EYS: variants seen among roughly 807,000 people sequenced by gnomAD.
EYS encodes EGF-like photoreceptor maintenance factor.
EYS carries 250 observed loss-of-function variants against 282.1 expected under a neutral mutation model. The observed-to-expected ratio is 0.89, with a 90% CI of 0.80 to 0.98. The LOEUF is 0.98. Ranked by LOEUF, EYS falls within the 50% of genes least tolerant of loss-of-function variation. EYS has a pLI of 0.00. For missense variants in EYS, 4,016 were observed against 3,709.0 expected (o/e 1.08, Z -2.15); for synonymous variants, 1,355 against 1,282.9 (o/e 1.06, Z -1.20).
chr6:65,457,055 C>A (rs567904888), intron 5 of EYS, among the ~76,000 whole-genome samples: 2 of 152,280 alleles, frequency 1.3e-5, no homozygotes, highest in South Asian at 2.1e-4. Context: ...TAAATCTATG[C>A]AGATGGAACA....
At chr6:65,015,889 A>AG (rs1435026592) in intron 13 of EYS, among the ~76,000 whole-genome samples, 46 of 148,428 alleles carry the variant, frequency 3.1e-4, no homozygotes, top group African/African-American at 1.1e-3. Context: ...AAAAAAAAAA[A>AG]AAAAAATTAG....
intron 26 of EYS, among the ~76,000 whole-genome samples, chr6:64,453,955 T>C (rs146733476): frequency 0.019 from 2,852 of 152,074 alleles, 42 homozygotes; most frequent in African/African-American, 0.044. Context: ...CATATATACA[T>C]ATGTAACAAA....
intron 2 of EYS, among the ~76,000 whole-genome samples, chr6:65,567,252 A>AATAT (rs59139403): frequency 8.8e-4 from 130 of 148,306 alleles, no homozygotes; most frequent in South Asian, 4.2e-3. Context: ...GTGTATGAAT[A>AATAT]ATATATATAT....
At chr6:64,228,772 A>G (rs189861251) in intron 31 of EYS, among the ~76,000 whole-genome samples, 1 of 152,160 alleles carries the variant, frequency 6.6e-6, no homozygotes, top group African/African-American at 2.4e-5. Context: ...ATACAATTAA[A>G]CCTCCGTGAA....
intron 41 of EYS, among the ~76,000 whole-genome samples, chr6:63,747,622 G>A (rs1374152228): frequency 6.6e-6 from 1 of 152,170 alleles, no homozygotes; most frequent in Non-Finnish European, 1.5e-5. Context: ...ATATGAATCT[G>A]AGTGGTCCTG....
intron 1 of EYS, among the ~76,000 whole-genome samples, chr6:65,702,031 G>A (rs1256802903): frequency 6.6e-6 from 1 of 152,098 alleles, no homozygotes; most frequent in African/African-American, 2.4e-5. Context: ...GCCCTATGGG[G>A]TAATGACTGA....
chr6:65,006,602 A>T (rs908121221), intron 13 of EYS, among the ~76,000 whole-genome samples: 7 of 151,964 alleles, frequency 4.6e-5, no homozygotes, highest in African/African-American at 1.4e-4. Flanking sequence ...AACTCCAACC[A>T]CTGATAATTC....
At chr6:64,297,334 C>T (rs1326520841) in intron 30 of EYS, among the ~76,000 whole-genome samples, 1 of 152,072 alleles carries the variant, frequency 6.6e-6, no homozygotes, top group African/African-American at 2.4e-5. Context: ...AAGATTGGAA[C>T]ATTCAAAAAT....
intron 12 of EYS, among the ~76,000 whole-genome samples, chr6:65,158,551 C>T (rs1764780390): frequency 6.6e-6 from 1 of 150,778 alleles, no homozygotes; most frequent in Non-Finnish European, 1.5e-5. Flanking sequence ...GTGTTGATAA[C>T]AGAAAGTCAA....
intron 22 of EYS, among the ~76,000 whole-genome samples, chr6:64,644,994 A>G (rs908333633): frequency 3.2e-4 from 48 of 152,212 alleles, no homozygotes; most frequent in African/African-American, 8.7e-4. Flanking sequence ...TTAAATCTCT[A>G]ATCACATTTA....
chr6:64,020,355 A>C (rs1374459990), intron 33 of EYS, among the ~76,000 whole-genome samples: 1 of 152,200 alleles, frequency 6.6e-6, no homozygotes, highest in Non-Finnish European at 1.5e-5. Context: ...AATATATCAT[A>C]AAACCTTTTC....
At chr6:64,746,474 G>A (rs146048944) in intron 22 of EYS, among the ~76,000 whole-genome samples, 4 of 151,918 alleles carry the variant, frequency 2.6e-5, no homozygotes, top group African/African-American at 7.2e-5. Flanking sequence ...AAAAAATAAC[G>A]CATCTGTGGT....
chr6:64,709,456 T>C (rs1771137431), intron 22 of EYS, among the ~76,000 whole-genome samples: 1 of 152,164 alleles, frequency 6.6e-6, no homozygotes, highest in Non-Finnish European at 1.5e-5. Context: ...TATTCTTTTG[T>C]ACATCTATAC....
intron 1 of EYS, among the ~76,000 whole-genome samples, chr6:65,644,472 A>G (rs1335580787): frequency 6.6e-6 from 1 of 152,210 alleles, no homozygotes; most frequent in Non-Finnish European, 1.5e-5. Flanking sequence ...GAGAAATCAA[A>G]AAGTTTGGAA....
At chr6:65,117,774 T>G (rs1775419112) in intron 12 of EYS, among the ~76,000 whole-genome samples, 1 of 152,168 alleles carries the variant, frequency 6.6e-6, no homozygotes. Context: ...CAAGGAAGAA[T>G]CTGACATAAA....
intron 35 of EYS, among the ~76,000 whole-genome samples, chr6:63,927,007 A>T (rs1004004049): frequency 1.3e-5 from 2 of 152,176 alleles, no homozygotes; most frequent in African/African-American, 4.8e-5. Context: ...TGGGAGAAAG[A>T]TTGGGTGGGT....
At chr6:64,945,081 T>C (rs1039805118) in intron 15 of EYS, among the ~76,000 whole-genome samples, 1 of 148,168 alleles carries the variant, frequency 6.7e-6, no homozygotes, top group Admixed American at 6.9e-5. Flanking sequence ...AGGTCCTTGG[T>C]ATGCTGAGTG....
intron 5 of EYS, among the ~76,000 whole-genome samples, chr6:65,423,561 C>T (rs1296213682): frequency 6.6e-6 from 1 of 151,994 alleles, no homozygotes; most frequent in South Asian, 2.1e-4. Flanking sequence ...ATTTTTATTG[C>T]CATGTTCCCA....
intron 22 of EYS, among the ~76,000 whole-genome samples, chr6:64,747,798 G>T (rs1772607560): frequency 6.6e-6 from 1 of 152,186 alleles, no homozygotes; most frequent in African/African-American, 2.4e-5. Flanking sequence ...CTTTATACTT[G>T]TGCTTTAGGG....
Sources: gnomAD v4.1 joint callset for allele counts (sites outside exome capture counted in the v4.1 genomes callset) on GRCh38, gnomAD v4.1.1 for gene constraint, MANE v1.5 for transcripts, NCBI Gene and HGNC (gene_info 2026-07-23, HGNC 2026-07-21) for gene names.